RMND1: variants seen among roughly 807,000 people sequenced by gnomAD.
The protein encoded by RMND1 is required for meiotic nuclear division protein 1 homolog.
A neutral mutation model predicts 54.0 loss-of-function variants in RMND1; 41 were observed. That is an observed-to-expected ratio of 0.76 (90% CI 0.59 to 0.98). The LOEUF (loss-of-function observed/expected upper bound fraction) is 0.98. Ranked by LOEUF, RMND1 falls within the 50% of genes least tolerant of loss-of-function variation. The pLI, the probability that RMND1 is intolerant of heterozygous loss-of-function variation, is 0.00. For synonymous variants in RMND1, 183 were observed against 181.7 expected, an observed-to-expected ratio of 1.01 and a Z score of -0.06; for missense variants, 457 against 532.0, an observed-to-expected ratio of 0.86 and a Z score of 1.39.
chr6:151,431,394 T>C (rs1307329802), intron 4 of RMND1, among the ~76,000 whole-genome samples: 1 of 152,150 alleles, frequency 6.6e-6, no homozygotes, highest in Non-Finnish European at 1.5e-5. Flanking sequence ...AGAATGACCC[T>C]GCTTACAATA....
chr6:151,440,644 G>T (rs753659892), intron 2 of RMND1, among the ~76,000 whole-genome samples: 3 of 152,108 alleles, frequency 2.0e-5, no homozygotes, highest in Non-Finnish European at 4.4e-5. Flanking sequence ...AGCTTATATG[G>T]TTTGCTACAC....
intron 10 of RMND1, chr6:151,411,504 C>G (rs1454048634): frequency 6.6e-6 from 1 of 152,198 alleles, no homozygotes; most frequent in Admixed American, 6.5e-5. Context: ...GCAGAAGGGG[C>G]TTGGGCAGCC....
intron 10 of RMND1, among the ~76,000 whole-genome samples, chr6:151,415,281 C>T (rs1215085520): frequency 3.4e-5 from 5 of 146,218 alleles, no homozygotes; most frequent in Admixed American, 6.9e-5. Context: ...AATAAGAATT[C>T]TTTTTTTTTT....
At chr6:151,421,807 T>G (rs887022715) in intron 8 of RMND1, among the ~76,000 whole-genome samples, 2 of 152,150 alleles carry the variant, frequency 1.3e-5, no homozygotes, top group Non-Finnish European at 2.9e-5. Context: ...TTTCTTTAAT[T>G]CAGTTACATT....
At chr6:151,440,870 C>T (rs945520607) in intron 2 of RMND1, among the ~76,000 whole-genome samples, 1 of 152,034 alleles carries the variant, frequency 6.6e-6, no homozygotes, top group Admixed American at 6.6e-5. Context: ...GAGCAGCTTT[C>T]ATTTTTATAC....
intron 10 of RMND1, chr6:151,409,039 G>T (rs1779719539): frequency 6.6e-6 from 1 of 152,230 alleles, no homozygotes; most frequent in South Asian, 2.1e-4. Context: ...AACATTTACT[G>T]TACTACGCTG....
At chr6:151,450,205 G>T (rs1171046719) in intron 1 of RMND1, among the ~76,000 whole-genome samples, 1 of 150,496 alleles carries the variant, frequency 6.6e-6, no homozygotes, top group Non-Finnish European at 1.5e-5. Flanking sequence ...GGAAGTGAGG[G>T]GAGTCTCTGC....
At chr6:151,433,018 GAATTA>G (rs1780490046) in intron 4 of RMND1, 132 bp downstream of exon 4, 2 of 553,252 alleles carry the variant, frequency 3.6e-6, no homozygotes, top group South Asian at 2.8e-5. Context: ...GATTAAATAA[GAATTA>G]AATGATAAAT....
At chr6:151,441,756 T>A (rs1194871869) in intron 2 of RMND1, among the ~76,000 whole-genome samples, 1 of 152,186 alleles carries the variant, frequency 6.6e-6, no homozygotes, top group African/African-American at 2.4e-5. Context: ...AGGCCCTTCT[T>A]GACTTCACTC....
chr6:151,405,043 A>AT lies in RMND1; in HGVS notation c.*191dup. ...GCCAACACACCTGGCTAATTTTGGT[A>AT]TTTTTAGTAGAGATGGGGTTTCACC... On this transcript the variant is annotated 3_prime_UTR_variant, in exon 12 of 12. Transcript: ENST00000444024. 1 of 506,082 alleles carries AT rather than the reference A, an allele frequency of 2.0e-6. No individual in the cohort carries two copies. Among genetic ancestry groups the AT allele is most frequent in the Non-Finnish European group, 3.5e-6 (1 of 285,562 alleles). 31.3% of individuals were successfully genotyped at this position (506,082 alleles called of 1,614,324 possible). A position where few individuals can be genotyped will look rare whatever the true frequency, so the allele number is the denominator to read the frequency against.
intron 9 of RMND1, among the ~76,000 whole-genome samples, chr6:151,419,637 G>A (rs1269526177): frequency 2.8e-5 from 4 of 144,360 alleles, no homozygotes; most frequent in African/African-American, 1.1e-4. Context: ...TCATGCCACT[G>A]CACTCTAGTC....
chr6:151,428,568 G>C (rs1350962991), intron 5 of RMND1, among the ~76,000 whole-genome samples: 2 of 152,192 alleles, frequency 1.3e-5, no homozygotes, highest in African/African-American at 4.8e-5. Flanking sequence ...GTCTCACCTT[G>C]TCACCCAGGC....
At chr6:151,429,535 G>A (rs1384913664) in intron 5 of RMND1, among the ~76,000 whole-genome samples, 11 of 152,080 alleles carry the variant, frequency 7.2e-5, no homozygotes, top group Non-Finnish European at 1.2e-4. Context: ...GTATATGGAT[G>A]ATTTAACAAA....
At chr6:151,424,656 A>G (rs1021311788) in intron 6 of RMND1, among the ~76,000 whole-genome samples, 10 of 152,224 alleles carry the variant, frequency 6.6e-5, no homozygotes, top group African/African-American at 2.4e-4. Flanking sequence ...AAAACTATAT[A>G]TGGAGTGTAA....
At position 151,404,981 on chromosome 6, in the gene RMND1, G is replaced by C; in HGVS notation, c.*254C>G. On this transcript the variant is annotated 3_prime_UTR_variant, in exon 12 of 12. Transcript: ENST00000444024. ...CCTCCCAAGTTCAAGAGATTCTCCT[G>C]CCTCAGCCTCCTGAGTAGCTGAGAT... 2.6e-6 allele frequency: 1 copy of C among 382,690 alleles called. No individual in the cohort carries two copies. The highest frequency in any genetic ancestry group is 4.7e-6 in the Non-Finnish European group (1 of 212,670). The allele number at this position is 382,690 out of a possible 1,614,324, so 23.7% of individuals were successfully genotyped here. A position where few individuals can be genotyped will look rare whatever the true frequency, so the allele number is the denominator to read the frequency against.
In RMND1 at chr6:151,434,574, C is replaced by T. The variant is rs117748527; in HGVS notation, c.614-1344G>A. Reference sequence around the variant, plus strand: ...GCTGGCAGCCTTCAGCATCAGCCAACAATACCTCCAGGCAAATTTTCATAC... The same window carrying T: ...GCTGGCAGCCTTCAGCATCAGCCAATAATACCTCCAGGCAAATTTTCATAC... On this transcript the variant is annotated intron_variant, in intron 3 of 11. Transcript: ENST00000444024. 3.5e-3 allele frequency among the ~76,000 whole-genome samples: 537 copies of T among 152,286 alleles called. 4 individuals are homozygous for T. Among genetic ancestry groups the T allele is most frequent in the Non-Finnish European group, 3.7e-3 (254 of 68,014 alleles).
At chr6:151,450,068 C>T (rs1781092061) in intron 1 of RMND1, among the ~76,000 whole-genome samples, 1 of 152,134 alleles carries the variant, frequency 6.6e-6, no homozygotes, top group Non-Finnish European at 1.5e-5. Context: ...GCCTGGCCCC[C>T]CATCGTCTGG....
chr6:151,425,848 G>C (rs1029784154), intron 6 of RMND1, among the ~76,000 whole-genome samples: 1 of 152,098 alleles, frequency 6.6e-6, no homozygotes, highest in Admixed American at 6.6e-5. Flanking sequence ...GGCCCTATTG[G>C]TGGTGAGCGC....
intron 1 of RMND1, among the ~76,000 whole-genome samples, chr6:151,446,422 GA>G (rs78186986): frequency 0.098 from 13,056 of 132,918 alleles, 708 homozygotes; most frequent in East Asian, 0.17. Context: ...TCTGTCTCAG[GA>G]AAAAAAAAAA....
Sources: allele counts gnomAD v4.1 joint callset (sites outside exome capture counted in the v4.1 genomes callset), GRCh38; gene constraint gnomAD v4.1.1; transcripts MANE v1.5; gene names NCBI Gene and HGNC (gene_info 2026-07-23, HGNC 2026-07-21).